Variants in AMOT observed in about 807,000 individuals in gnomAD.
The protein encoded by AMOT is angiomotin.
Under a neutral mutation model 67.0 loss-of-function variants are expected in AMOT, and 11 were observed. The ratio of observed to expected loss-of-function variants is 0.16; its 90% CI spans 0.10 to 0.27. AMOT has a LOEUF of 0.27. Ranked by LOEUF, AMOT falls within the 10% of genes least tolerant of loss-of-function variation. The pLI, the probability that AMOT is intolerant of heterozygous loss-of-function variation, is 1.00. For missense variants in AMOT, 753 were observed against 852.0 expected, an observed-to-expected ratio of 0.88 and a Z score of 1.45; for synonymous variants, 326 against 321.4, an observed-to-expected ratio of 1.01 and a Z score of -0.15.
At position 112,775,818 on chromosome X, in the gene AMOT, AACCTGGTC is replaced by A. The variant is rs1358120021; in HGVS notation, c.*2741_*2748del. ...ATCACCAAGCAGTACAAGCTAAGAC[AACCTGGTC>A]ACCCTCCTTTCCTGAGGTGCCGGTA... is the stretch of plus-strand genomic sequence containing the variant. On this transcript the variant is annotated 3_prime_UTR_variant, in exon 14 of 14. Coordinates refer to ENST00000371959, the MANE Select transcript of AMOT (RefSeq NM_001113490.2). 1 of 112,040 alleles carries A rather than the reference AACCTGGTC, an allele frequency of 8.9e-6. No individual in the cohort carries two copies. Among genetic ancestry groups the A allele is most frequent in the Non-Finnish European group, 1.9e-5 (1 of 53,177 alleles). The allele number at this position is 112,040 out of a possible 1,213,427, so 9.2% of individuals were successfully genotyped here. A position where few individuals can be genotyped will look rare whatever the true frequency, so the allele number is the denominator to read the frequency against.
At chrX:112,788,032 G>A (rs947819964) in intron 10 of AMOT, among the ~76,000 whole-genome samples, 2 of 111,330 alleles carry the variant, frequency 1.8e-5, no homozygotes, top group Non-Finnish European at 3.8e-5. Context: ...GCTCACACCT[G>A]TAATCCCAGC....
intron 6 of AMOT, among the ~76,000 whole-genome samples, chrX:112,810,917 G>A (rs1320097268): frequency 2.7e-5 from 3 of 111,116 alleles, no homozygotes; most frequent in Non-Finnish European, 3.8e-5. Context: ...CAAAGGGCAC[G>A]CCTCTGTAAA....
intron 8 of AMOT, among the ~76,000 whole-genome samples, chrX:112,802,216 A>T (rs1028914301): frequency 1.8e-5 from 2 of 112,321 alleles, no homozygotes; most frequent in Non-Finnish European, 3.8e-5. Context: ...CTCCCTGATG[A>T]TGTTCCAAAC....
intron 1 of AMOT, among the ~76,000 whole-genome samples, chrX:112,834,287 T>C (rs1935077112): frequency 8.9e-6 from 1 of 111,864 alleles, no homozygotes; most frequent in Non-Finnish European, 1.9e-5. Flanking sequence ...AGGGAAAATA[T>C]GCTCTTAAAA....
intron 11 of AMOT, among the ~76,000 whole-genome samples, chrX:112,781,379 G>T (rs1323280074): frequency 9.9e-6 from 1 of 101,356 alleles, no homozygotes; most frequent in Non-Finnish European, 2.0e-5. Flanking sequence ...GGCGGAGGTT[G>T]CAGTGAGCCA....
chrX:112,797,487 A>G (rs923671760), intron 8 of AMOT, among the ~76,000 whole-genome samples: 1 of 112,024 alleles, frequency 8.9e-6, no homozygotes, highest in African/African-American at 3.2e-5. Context: ...TCATTTAAGA[A>G]AAAAAGCAAC....
chrX:112,799,710 G>C (rs1178748327), intron 8 of AMOT, among the ~76,000 whole-genome samples: 1 of 111,328 alleles, frequency 9.0e-6, no homozygotes, highest in Non-Finnish European at 1.9e-5. Context: ...GATATTAAAA[G>C]AATTGAAGAG....
In AMOT at chrX:112,775,086, C is replaced by T. The variant is rs950724964; in HGVS notation, c.*3481G>A. 4.5e-5 allele frequency: 5 copies of T among 111,857 alleles called. No homozygotes were observed. The highest frequency in any genetic ancestry group is 7.5e-5 in the Non-Finnish European group (4 of 53,197). 9.2% of individuals were successfully genotyped at this position (111,857 alleles called of 1,213,427 possible). On this transcript the variant is annotated 3_prime_UTR_variant, in exon 14 of 14. Coordinates refer to ENST00000371959, the MANE Select transcript of AMOT (RefSeq NM_001113490.2). ...TTTTACAAACACATGCCATTAATCA[C>T]AAGGGAGGCCAGAAGGAGGTTTCAT...
At chrX:112,809,827 G>T in intron 7 of AMOT, 67 bp downstream of exon 7, 2 of 950,540 alleles carry the variant, frequency 2.1e-6, no homozygotes, top group Non-Finnish European at 3.0e-6. Context: ...AGAGAACAGT[G>T]TAATCTTTTC....
chrX:112,781,960 C>T (rs925249062), intron 11 of AMOT, among the ~76,000 whole-genome samples: 1 of 111,870 alleles, frequency 8.9e-6, no homozygotes, highest in African/African-American at 3.3e-5. Context: ...ATGATCTTGA[C>T]TCATTGCAAC....
chrX:112,781,893 T>C lies in AMOT; in HGVS notation c.2240+647A>G, dbSNP rs1421109719. Among the ~76,000 whole-genome samples the C allele has an allele frequency of 5.4e-5, 6 of 111,565 alleles. No individual in the cohort carries two copies. In the South Asian group the frequency reaches 1.1e-3, roughly 21 times the overall value. ...CCTCCACTTTGAGTAGATGTTCTTT[T>C]TGTTGTTGTTGTTGAGACGGACTCT... On this transcript the variant is annotated intron_variant, in intron 11 of 13. Transcript: ENST00000371959.
chrX:112,781,435 C>T (rs918631510), intron 11 of AMOT, among the ~76,000 whole-genome samples: 1 of 79,877 alleles, frequency 1.3e-5, no homozygotes, highest in African/African-American at 5.3e-5. Context: ...GCAAGACTGA[C>T]TCCATCTCAA....
chrX:112,837,301 C>T (rs915747427), intron 1 of AMOT, among the ~76,000 whole-genome samples: 1 of 111,916 alleles, frequency 8.9e-6, no homozygotes, highest in African/African-American at 3.2e-5. Context: ...ATAATGGCCT[C>T]ACTTAATTTA....
At chrX:112,780,839 C>A in intron 12 of AMOT, 47 bp downstream of exon 12, 1 of 1,149,146 alleles carries the variant, frequency 8.7e-7, no homozygotes, top group Non-Finnish European at 1.2e-6. Context: ...TATCTCAGGG[C>A]TCTCTTTGAA....
In AMOT at chrX:112,832,440, C is replaced by G. The variant is rs910232934; in HGVS notation, c.-288-70G>C. On this transcript the variant is annotated intron_variant, in intron 1 of 13. Coordinates refer to ENST00000371959, the MANE Select transcript of AMOT (RefSeq NM_001113490.2). ...TGGAGAGGGAAGCTCAAGTCCAGAA[C>G]AGATAGCTAATCATAACTAATTGGA... 5.4e-5 allele frequency: 6 copies of G among 111,571 alleles called. No homozygotes were observed. In the South Asian group the frequency reaches 2.3e-3, roughly 42 times the overall value. 9.2% of individuals were successfully genotyped at this position (111,571 alleles called of 1,213,427 possible).
At chrX:112,791,360 T>C (rs1356134363) in intron 9 of AMOT, among the ~76,000 whole-genome samples, 1 of 110,547 alleles carries the variant, frequency 9.0e-6, no homozygotes, top group East Asian at 2.8e-4. Context: ...CTGCACTCAG[T>C]CTCAAGAAAA....
chrX:112,804,985 T>C lies in AMOT; in HGVS notation c.1738A>G (p.Ser580Gly). 1 of 1,129,656 alleles carries C rather than the reference T, an allele frequency of 8.9e-7. No homozygotes were observed. The highest frequency in any genetic ancestry group is 1.2e-6 in the Non-Finnish European group (1 of 843,046). 93.1% of individuals were successfully genotyped at this position (1,129,656 alleles called of 1,213,427 possible). A position where few individuals can be genotyped will look rare whatever the true frequency, so the allele number is the denominator to read the frequency against. Residue 580 changes from serine to glycine, a missense_variant, in exon 8 of 14, where the codon AGT becomes GGT. Physicochemically the swap from Ser to Gly is moderately conservative, Grantham distance 56. Around this residue, in one of 5 missense-constraint regions of AMOT, gnomAD observed 66 missense variants for 112.9 expected, o/e 0.58. Transcript: ENST00000371959. Reference sequence around the variant, plus strand: ...TTTACCACCTTGGCCTGGGCATTACTCAGGGCCTGATCTCGGATTTCGATG... The same window carrying C: ...TTTACCACCTTGGCCTGGGCATTACCCAGGGCCTGATCTCGGATTTCGATG... ...RHIEIRDQAL[S>G]NAQAKVVKLE...
Position 112,798,008 on chromosome X carries a change from A to T in AMOT, c.1777-6027T>A, listed in dbSNP as rs376415471. The stretch of plus-strand genomic sequence containing the variant: ...TTATATCCAAGGCACTTTTAAACCT[A>T]CCTCCTCTCTTCTTTAGACCAGAGC... On this transcript the variant is annotated intron_variant, in intron 8 of 13. Coordinates refer to ENST00000371959, the MANE Select transcript of AMOT (RefSeq NM_001113490.2). Among the ~76,000 whole-genome samples, 14 of 111,481 alleles carry T rather than the reference A, an allele frequency of 1.3e-4. 1 individual carries two copies. Among genetic ancestry groups the T allele is most frequent in the Non-Finnish European group, 1.5e-4 (8 of 53,045 alleles).
At chrX:112,831,829 G>GAA (rs397750640) in intron 2 of AMOT, among the ~76,000 whole-genome samples, 27 of 97,558 alleles carry the variant, frequency 2.8e-4, no homozygotes, top group African/African-American at 8.3e-4. Flanking sequence ...GACTTCTGGG[G>GAA]AAAAAAAAAA....
Sources: gnomAD v4.1 joint callset for allele counts (sites outside exome capture counted in the v4.1 genomes callset) on GRCh38, gnomAD v4.1.1 for gene constraint, gnomAD v4.1.1 regional missense constraint, MANE v1.5 for transcripts, NCBI Gene and HGNC (gene_info 2026-07-23, HGNC 2026-07-21) for gene names.